The following PLEKHM1 variants were observed in gnomAD, a reference collection of about 807,000 sequenced individuals.
PLEKHM1 encodes the protein pleckstrin homology domain-containing family M member 1.
A neutral mutation model predicts 94.3 loss-of-function variants in PLEKHM1; 28 were observed. That is an observed-to-expected ratio of 0.30 (90% CI 0.22 to 0.41). The LOEUF is 0.41. Ranked by LOEUF, PLEKHM1 falls within the 10% of genes least tolerant of loss-of-function variation. PLEKHM1 has a pLI of 1.00. For synonymous variants in PLEKHM1, 424 were observed against 581.2 expected (o/e 0.73, Z 3.89); for missense variants, 907 against 1,358.6 (o/e 0.67, Z 5.22).
At chr17:45,452,269 G>C (rs2050794840) in intron 7 of PLEKHM1, among the ~76,000 whole-genome samples, 1 of 149,580 alleles carries the variant, frequency 6.7e-6, no homozygotes, top group East Asian at 2.0e-4. Flanking sequence ...AAAGGCTCTG[G>C]GGCCTGACTG....
chr17:45,436,012 G>A lies in PLEKHM1; in HGVS notation c.*1846C>T, dbSNP rs1186115159. 2.2e-6 allele frequency: 1 copy of A among 456,568 alleles called. No individual in the cohort carries two copies. The highest frequency in any genetic ancestry group is 4.4e-6 in the Non-Finnish European group (1 of 226,990). The allele number at this position is 456,568 out of a possible 1,614,324, so 28.3% of individuals were successfully genotyped here. A position where few individuals can be genotyped will look rare whatever the true frequency, so the allele number is the denominator to read the frequency against. On this transcript the variant is annotated 3_prime_UTR_variant, in exon 12 of 12. Transcript: ENST00000430334. Reference sequence around the variant, plus strand: ...GCCAGAGCCCTGCTCACTAGGAACAGTGTATTGCATAAAATAACATTTTAA... The same window carrying A: ...GCCAGAGCCCTGCTCACTAGGAACAATGTATTGCATAAAATAACATTTTAA...
At chr17:45,461,539 G>C in intron 5 of PLEKHM1, among the ~76,000 whole-genome samples, 1 of 152,152 alleles carries the variant, frequency 6.6e-6, no homozygotes, top group Non-Finnish European at 1.5e-5. Context: ...TTAGGTTTCT[G>C]GTCCATTTTG....
At chr17:45,483,826 A>G (rs1598009415) in intron 1 of PLEKHM1, among the ~76,000 whole-genome samples, 1 of 152,092 alleles carries the variant, frequency 6.6e-6, no homozygotes, top group Non-Finnish European at 1.5e-5. Context: ...TGACTCCACC[A>G]CCAGCCCCCA....
At chr17:45,435,173 G>A (rs1286607477), downstream of PLEKHM1, among the ~76,000 whole-genome samples, 2 of 152,120 alleles carry the variant, frequency 1.3e-5, no homozygotes, top group Non-Finnish European at 2.9e-5. Flanking sequence ...AAGCCCTTGG[G>A]GGAAGCTGGG....
Position 45,450,618 on chromosome 17 carries a change from C to A in PLEKHM1, c.2643G>T (p.Pro881=), listed in dbSNP as rs147623241. Residue 881 remains proline, a splice_region_variant and synonymous_variant, in exon 8 of 12, where the codon CCG becomes CCT. Transcript: ENST00000430334. Reference sequence around the variant, plus strand: ...CTGGGCTGCTGGGCTTGAGACTTACCGGGCGCTTGGTGAGGTCCCAGTTGT... The same window carrying A: ...CTGGGCTGCTGGGCTTGAGACTTACAGGGCGCTTGGTGAGGTCCCAGTTGT... ...IIHNWDLTKR[P]ICRQALKFLT... is the part of the protein sequence containing the mutation. 1.2e-6 allele frequency: 2 copies of A among 1,613,480 alleles called. No individual in the cohort carries two copies. The highest frequency in any genetic ancestry group is 1.3e-5 in the African/African-American group (1 of 74,886).
Position 45,468,537 on chromosome 17 carries a change from C to T in PLEKHM1, c.980G>A (p.Ser327Asn), listed in dbSNP as rs1353120669. The T allele has an allele frequency of 1.2e-6, 2 of 1,614,064 alleles. No individual in the cohort carries two copies. The highest frequency in any genetic ancestry group is 1.7e-5 in the Admixed American group (1 of 60,002). ...TGGTGTGGGGATCTCTGTTTCTTGG[C>T]TCAGTCCGTTGGTTGGCACAGAGTT... ...QVNSVPTNGL[S>N]QETEIPTPQA... Residue 327 changes from serine (S) to asparagine (N), a missense_variant, in exon 5 of 12, where the codon AGC becomes AAC. Transcript: ENST00000430334.
intron 5 of PLEKHM1, among the ~76,000 whole-genome samples, chr17:45,466,908 C>T (rs1054515276): frequency 1.1e-4 from 16 of 152,094 alleles, no homozygotes; most frequent in African/African-American, 2.7e-4. Context: ...AAATAAGCAC[C>T]GAGGTTCTCC....
intron 4 of PLEKHM1, among the ~76,000 whole-genome samples, chr17:45,473,581 CAG>C (rs1352094869): frequency 3.3e-5 from 5 of 149,360 alleles, no homozygotes; most frequent in Non-Finnish European, 7.4e-5. Flanking sequence ...TTTTTTGGGA[CAG>C]AGTCTCACTC....
chr17:45,460,324 A>G (rs1189881282), intron 5 of PLEKHM1: 1 of 151,926 alleles, frequency 6.6e-6, no homozygotes, highest in African/African-American at 2.4e-5. Context: ...CAATGGTGCA[A>G]TCTCAGCTCA....
At chr17:45,439,729 G>A in intron 10 of PLEKHM1, 95 bp from the exon 11 acceptor site, 1 of 1,509,798 alleles carries the variant, frequency 6.6e-7, no homozygotes, top group South Asian at 1.1e-5. Flanking sequence ...CAGCTGCACT[G>A]AGGTGCCATG....
chr17:45,441,910 C>T (rs2050459411), intron 9 of PLEKHM1, among the ~76,000 whole-genome samples: 1 of 151,992 alleles, frequency 6.6e-6, no homozygotes, highest in African/African-American at 2.4e-5. Context: ...GGGGAAAGGT[C>T]GAATCTTAGT....
At chr17:45,448,887 A>G (rs2050688661) in intron 8 of PLEKHM1, among the ~76,000 whole-genome samples, 1 of 152,180 alleles carries the variant, frequency 6.6e-6, no homozygotes, top group South Asian at 2.1e-4. Flanking sequence ...TATTAAGTGA[A>G]CCAAGCTTCT....
chr17:45,440,068 A>G (rs2050395952), intron 10 of PLEKHM1, 95 bp downstream of exon 10: 11 of 1,194,174 alleles, frequency 9.2e-6, no homozygotes, highest in Non-Finnish European at 1.4e-5. Flanking sequence ...CTTCTTCAGT[A>G]AACTACAGAC....
At chr17:45,474,336 C>A (rs12451518) in intron 4 of PLEKHM1, among the ~76,000 whole-genome samples, 1 of 151,990 alleles carries the variant, frequency 6.6e-6, no homozygotes, top group Admixed American at 6.6e-5. Flanking sequence ...GGATTACAGG[C>A]GTGAGCCACC....
At position 45,453,711 on chromosome 17, in the gene PLEKHM1, C is replaced by T. The variant is rs2050848224; in HGVS notation, c.2141G>A (p.Arg714His). The T allele has an allele frequency of 7.4e-6, 12 of 1,613,700 alleles. No individual in the cohort carries two copies. The highest frequency in any genetic ancestry group is 3.3e-5 in the South Asian group (3 of 91,072). Residue 714 changes from arginine (R) to histidine (H), a missense_variant, in exon 7 of 12, where the codon CGC (arginine) becomes CAC (histidine). Transcript: ENST00000430334. The surrounding 1 kb of genome is among the most constrained non-coding windows in gnomAD (Gnocchi z 4.1). ...CAGCATCTTCTCATTGTTCCTGATG[C>T]GGAAACATTTCAGAGCCTCCAAGGA... Reference protein sequence around the residue: ...SLSLEALKCFRIRNNEKMLSD... With the variant: ...SLSLEALKCFHIRNNEKMLSD...
intron 5 of PLEKHM1, among the ~76,000 whole-genome samples, 180 bp downstream of exon 5, chr17:45,468,029 T>C (rs2051373043): frequency 6.6e-6 from 1 of 152,096 alleles, no homozygotes; most frequent in Admixed American, 6.5e-5. Flanking sequence ...GGCTTATATC[T>C]ACAGCTCACA....
intron 11 of PLEKHM1, 134 bp from the exon 12 acceptor site, chr17:45,438,103 C>A: frequency 1.4e-6 from 1 of 705,676 alleles, no homozygotes. Flanking sequence ...GCACACCGTG[C>A]CTCTCCGTTC....
chr17:45,441,780 G>A (rs555714765), intron 9 of PLEKHM1, among the ~76,000 whole-genome samples: 77 of 152,280 alleles, frequency 5.1e-4, no homozygotes, highest in African/African-American at 1.6e-3. Flanking sequence ...GGCCTACTTG[G>A]GGCCTCAGTT....
chr17:45,475,832 C>G, intron 3 of PLEKHM1, 106 bp from the exon 4 acceptor site: 1 of 1,202,310 alleles, frequency 8.3e-7, no homozygotes, highest in Non-Finnish European at 1.2e-6. Context: ...CAAATAGATA[C>G]AGGCATGAAA....
Sources: gnomAD v4.1 joint callset for allele counts (sites outside exome capture counted in the v4.1 genomes callset) on GRCh38, gnomAD v4.1.1 for gene constraint, Gnocchi (gnomAD v3.1) non-coding constraint, MANE v1.5 for transcripts, NCBI Gene and HGNC (gene_info 2026-07-23, HGNC 2026-07-21) for gene names.